The following NDUFAF2 variants were observed in gnomAD, a reference collection of about 807,000 sequenced individuals.
NDUFAF2 encodes NADH dehydrogenase [ubiquinone] 1 alpha subcomplex assembly factor 2.
Under a neutral mutation model 22.8 loss-of-function variants are expected in NDUFAF2, and 13 were observed. The ratio of observed to expected loss-of-function variants is 0.57; its 90% CI spans 0.37 to 0.91. The LOEUF is 0.91. NDUFAF2 is among the 40% of genes least tolerant of loss of function. The pLI is 0.01. For synonymous variants in NDUFAF2, 53 were observed against 64.2 expected (o/e 0.83, Z 0.84); for missense variants, 162 against 195.2 (o/e 0.83, Z 1.01).
chr5:61,130,469 A>C (rs957536356), intron 3 of NDUFAF2, among the ~76,000 whole-genome samples: 3 of 152,128 alleles, frequency 2.0e-5, no homozygotes, highest in African/African-American at 7.2e-5. Flanking sequence ...ATTGAACCGG[A>C]AGAATTTCCC....
intron 1 of NDUFAF2, among the ~76,000 whole-genome samples, chr5:60,963,791 T>C (rs145146850): frequency 2.0e-5 from 3 of 152,240 alleles, no homozygotes; most frequent in South Asian, 2.1e-4. Flanking sequence ...TAGGTTAGAG[T>C]TGAGATCAGA....
intron 2 of NDUFAF2, among the ~76,000 whole-genome samples, chr5:61,085,079 T>C (rs958125644): frequency 2.0e-5 from 3 of 152,128 alleles, no homozygotes; most frequent in Non-Finnish European, 2.9e-5. Context: ...TAACCTGATA[T>C]CAACCTGACA....
At chr5:61,110,449 T>C (rs1386746082) in intron 3 of NDUFAF2, among the ~76,000 whole-genome samples, 1 of 152,044 alleles carries the variant, frequency 6.6e-6, no homozygotes, top group African/African-American at 2.4e-5. Flanking sequence ...AGGGAAGCCA[T>C]TGGTTCCTGG....
At chr5:61,102,019 G>T (rs997555391) in intron 3 of NDUFAF2, among the ~76,000 whole-genome samples, 1 of 152,070 alleles carries the variant, frequency 6.6e-6, no homozygotes, top group Non-Finnish European at 1.5e-5. Context: ...TAGTTTTGAG[G>T]TAGGGCCTGA....
At chr5:60,975,598 G>A (rs1750892154) in intron 1 of NDUFAF2, among the ~76,000 whole-genome samples, 1 of 152,158 alleles carries the variant, frequency 6.6e-6, no homozygotes, top group East Asian at 1.9e-4. Context: ...CCTACAGTCA[G>A]TATAGACAAC....
chr5:61,131,508 A>G (rs1354960039), intron 3 of NDUFAF2, among the ~76,000 whole-genome samples: 1 of 152,174 alleles, frequency 6.6e-6, no homozygotes, highest in African/African-American at 2.4e-5. Flanking sequence ...GGTATCCTAA[A>G]GAATGAATGG....
intron 2 of NDUFAF2, among the ~76,000 whole-genome samples, chr5:61,095,299 C>T (rs1361658843): frequency 2.0e-5 from 3 of 152,188 alleles, no homozygotes; most frequent in African/African-American, 7.2e-5. Context: ...TGTTTCTGGT[C>T]GGTTTGGACT....
intron 3 of NDUFAF2, chr5:61,114,292 G>C (rs942320941): frequency 6.6e-6 from 1 of 151,762 alleles, no homozygotes; most frequent in African/African-American, 2.4e-5. Context: ...TCTTTCTTCT[G>C]CTTATCATTT....
chr5:60,966,936 G>C (rs1750765341), intron 1 of NDUFAF2, among the ~76,000 whole-genome samples: 1 of 152,052 alleles, frequency 6.6e-6, no homozygotes, highest in Admixed American at 6.5e-5. Context: ...GCATAGGGTA[G>C]TATGAATATT....
intron 1 of NDUFAF2, among the ~76,000 whole-genome samples, chr5:61,012,538 A>G (rs1751454939): frequency 6.6e-6 from 1 of 152,088 alleles, no homozygotes; most frequent in East Asian, 1.9e-4. Context: ...GTACTTTATG[A>G]TTTTTTAATT....
rs79803714 is a variant in NDUFAF2 at position 61,141,543 on chromosome 5, T to C, written c.259-11161T>C. Among the ~76,000 whole-genome samples the C allele has an allele frequency of 3.6e-3, 547 of 152,270 alleles. 1 individual carries two copies. Among genetic ancestry groups the C allele is most frequent in the Non-Finnish European group, 6.3e-3 (431 of 68,014 alleles). On this transcript the variant is annotated intron_variant, in intron 3 of 3. Transcript: ENST00000296597. ...TTGGCCATTGGAGCTTACCCAGCTC[T>C]TCCCTATGGTACCTCCTTTGACCAT...
intron 1 of NDUFAF2, among the ~76,000 whole-genome samples, chr5:60,981,515 G>A (rs752262176): frequency 8.5e-5 from 13 of 152,114 alleles, no homozygotes; most frequent in Non-Finnish European, 1.6e-4. Context: ...GTAATAATAT[G>A]TACACAGGAA....
At chr5:61,141,315 G>A (rs1741053869) in intron 3 of NDUFAF2, among the ~76,000 whole-genome samples, 1 of 151,794 alleles carries the variant, frequency 6.6e-6, no homozygotes, top group South Asian at 2.1e-4. Context: ...TGTTTTATAT[G>A]ATTGCAGAAT....
At chr5:61,116,960 GA>G (rs979174312) in intron 3 of NDUFAF2, among the ~76,000 whole-genome samples, 1 of 152,062 alleles carries the variant, frequency 6.6e-6, no homozygotes, top group African/African-American at 2.4e-5. Flanking sequence ...TTTATTTGCG[GA>G]AAAAACTTGG....
At chr5:61,111,138 A>G (rs189863156) in intron 3 of NDUFAF2, among the ~76,000 whole-genome samples, 43 of 152,208 alleles carry the variant, frequency 2.8e-4, no homozygotes, top group African/African-American at 9.9e-4. Flanking sequence ...TCCTCTAGCT[A>G]TTGATTTCTA....
Position 60,945,248 on chromosome 5 carries a change from T to C in NDUFAF2, c.-8T>C. The C allele has an allele frequency of 6.2e-7, 1 of 1,612,246 alleles. No individual in the cohort carries two copies. The highest frequency in any genetic ancestry group is 8.5e-7 in the Non-Finnish European group (1 of 1,179,696). ...GCTGCTGGCAGCGCTGGAAACTGGG[T>C]GGACGGCATGGGTTGGTCTCAGGAT... On this transcript the variant is annotated 5_prime_UTR_variant, in exon 1 of 4. Transcript: ENST00000296597.
intron 2 of NDUFAF2, among the ~76,000 whole-genome samples, chr5:61,074,871 A>G (rs564317934): frequency 8.5e-5 from 13 of 152,328 alleles, no homozygotes; most frequent in African/African-American, 2.9e-4. Flanking sequence ...GAAATTTACA[A>G]TCATGGCAGA....
intron 1 of NDUFAF2, among the ~76,000 whole-genome samples, chr5:61,056,601 G>A (rs1752094203): frequency 6.6e-6 from 1 of 151,828 alleles, no homozygotes; most frequent in South Asian, 2.1e-4. Context: ...ATCATATGAT[G>A]CTATGGCTGG....
At chr5:60,989,700 C>T (rs172945) in intron 1 of NDUFAF2, among the ~76,000 whole-genome samples, 5 of 152,040 alleles carry the variant, frequency 3.3e-5, no homozygotes, top group Admixed American at 6.5e-5. Flanking sequence ...TAAGTAACAA[C>T]GCACGTGGAC....
Sources: allele counts gnomAD v4.1 joint callset (sites outside exome capture counted in the v4.1 genomes callset), GRCh38; gene constraint gnomAD v4.1.1; transcripts MANE v1.5; gene names NCBI Gene and HGNC (gene_info 2026-07-23, HGNC 2026-07-21).